The following KCNIP4 variants were observed in gnomAD, a reference collection of about 807,000 sequenced individuals.
KCNIP4 encodes Kv channel-interacting protein 4.
KCNIP4 carries 12 observed loss-of-function variants against 34.0 expected under a neutral mutation model. The observed-to-expected ratio is 0.35, with a 90% CI of 0.23 to 0.57. The LOEUF (loss-of-function observed/expected upper bound fraction) is 0.57, where lower values mean the gene tolerates loss of function less well. KCNIP4 is among the 20% of genes least tolerant of loss of function. The pLI, the probability that KCNIP4 is intolerant of heterozygous loss-of-function variation, is 0.83. For synonymous variants in KCNIP4, 124 were observed against 102.2 expected (o/e 1.21, Z -1.29); for missense variants, 238 against 311.7 (o/e 0.76, Z 1.78).
intron 1 of KCNIP4, among the ~76,000 whole-genome samples, chr4:21,925,103 CT>C (rs1438189872): frequency 2.6e-5 from 4 of 151,704 alleles, no homozygotes; most frequent in African/African-American, 9.7e-5. Flanking sequence ...TATTATTATA[CT>C]TTAAGTTTTA....
At chr4:21,929,423 T>C (rs1483963230) in intron 1 of KCNIP4, among the ~76,000 whole-genome samples, 2 of 152,136 alleles carry the variant, frequency 1.3e-5, no homozygotes, top group Non-Finnish European at 2.9e-5. Context: ...AGTATTTTTA[T>C]AAGTAGTTAA....
chr4:21,176,517 T>TTTTTTA (rs1273669428), intron 1 of KCNIP4, among the ~76,000 whole-genome samples: 2 of 152,220 alleles, frequency 1.3e-5, no homozygotes, highest in Non-Finnish European at 2.9e-5. Context: ...GCTCTATTTA[T>TTTTTTA]TTTTTATTTT....
intron 1 of KCNIP4, among the ~76,000 whole-genome samples, chr4:21,126,852 A>C (rs984724743): frequency 2.6e-5 from 4 of 152,126 alleles, no homozygotes; most frequent in African/African-American, 9.7e-5. Context: ...CTAATGAAAA[A>C]TTTGCTTATT....
At position 21,072,147 on chromosome 4, in the gene KCNIP4, G is replaced by T. The variant is rs200487731; in HGVS notation, c.62-189438C>A. 2.6e-5 allele frequency among the ~76,000 whole-genome samples: 4 copies of T among 152,088 alleles called. No individual in the cohort carries two copies. The East Asian group carries it at 5.8e-4, about 22-fold the overall frequency. On this transcript the variant is annotated intron_variant, in intron 1 of 8. Transcript: ENST00000382152. ...TAACAACATGATTTATAATCCTTTG[G>T]GTATATACCCAGTAATGGGATGGCT...
chr4:21,053,959 C>T (rs1227677412), intron 1 of KCNIP4, among the ~76,000 whole-genome samples: 2 of 151,788 alleles, frequency 1.3e-5, no homozygotes, highest in Non-Finnish European at 2.9e-5. Context: ...AGATTTAATA[C>T]AATCCTAATC....
At position 21,767,253 on chromosome 4, in the gene KCNIP4, G is replaced by C. The variant is rs1011899557; in HGVS notation, c.61+181318C>G. 2.4e-4 allele frequency among the ~76,000 whole-genome samples: 36 copies of C among 152,088 alleles called. 1 individual carries two copies. The highest frequency in any genetic ancestry group is 8.4e-4 in the African/African-American group (35 of 41,432). The stretch of plus-strand genomic sequence containing the variant: ...GGAGGAGACAGTCAGATCACACAGA[G>C]CTTGAAATGCCTTGTTGAGAGTGAG... On this transcript the variant is annotated intron_variant, in intron 1 of 8. Transcript: ENST00000382152.
intron 1 of KCNIP4, among the ~76,000 whole-genome samples, chr4:21,266,913 G>T (rs561612035): frequency 1.3e-5 from 2 of 152,284 alleles, no homozygotes; most frequent in African/African-American, 4.8e-5. Context: ...TTAAGACATT[G>T]CCTTAACGAT....
chr4:21,492,146 G>T (rs1305908376), intron 1 of KCNIP4, among the ~76,000 whole-genome samples: 1 of 152,120 alleles, frequency 6.6e-6, no homozygotes, highest in Admixed American at 6.5e-5. Context: ...GTAAATATCA[G>T]TAAATAAAGA....
At position 21,704,414 on chromosome 4, in the gene KCNIP4, T is replaced by C. The variant is rs544802489; in HGVS notation, c.61+244157A>G. 1.1e-3 allele frequency among the ~76,000 whole-genome samples: 173 copies of C among 152,120 alleles called. 1 individual carries two copies. The highest frequency in any genetic ancestry group is 4.0e-3 in the African/African-American group (167 of 41,512). ...CTCATCAGAGACCCTGTCAAGACAA[T>C]GAAAAGACAACATACAGAGTGAAAG... On this transcript the variant is annotated intron_variant, in intron 1 of 8. Transcript: ENST00000382152.
At chr4:20,825,754 A>G (rs1439185379) in intron 3 of KCNIP4, among the ~76,000 whole-genome samples, 1 of 152,168 alleles carries the variant, frequency 6.6e-6, no homozygotes, top group Non-Finnish European at 1.5e-5. Flanking sequence ...TTCTTAGGAG[A>G]ATGCAAATTG....
intron 1 of KCNIP4, among the ~76,000 whole-genome samples, chr4:21,704,695 AT>A (rs970225800): frequency 6.6e-6 from 1 of 152,160 alleles, no homozygotes; most frequent in African/African-American, 2.4e-5. Flanking sequence ...CTAACATAAA[AT>A]CAAAAATGGT....
chr4:21,091,165 C>T (rs1358601307), intron 1 of KCNIP4, among the ~76,000 whole-genome samples: 2 of 152,068 alleles, frequency 1.3e-5, no homozygotes, highest in Non-Finnish European at 1.5e-5. Context: ...TTTGCCCATC[C>T]CTGAATTCAT....
rs1747139170 is a variant in KCNIP4, at chr4:20,729,328, G to A, written c.*754C>T. ...CTTCCACTTAATGATTGATACTAAT[G>A]ATTGATACAATAGAAAACAGCCTGT... On this transcript the variant is annotated 3_prime_UTR_variant, in exon 9 of 9. Coordinates refer to ENST00000382152, the MANE Select transcript of KCNIP4 (RefSeq NM_025221.6). The A allele has an allele frequency of 1.3e-5, 2 of 151,628 alleles. No homozygotes were observed. Among genetic ancestry groups the A allele is most frequent in the East Asian group, 2.0e-4 (1 of 4,996 alleles). The allele number at this position is 151,628 out of a possible 1,614,324, so 9.4% of individuals were successfully genotyped here. A position where few individuals can be genotyped will look rare whatever the true frequency, so the allele number is the denominator to read the frequency against.
At chr4:21,694,555 T>C (rs1712050958) in intron 1 of KCNIP4, among the ~76,000 whole-genome samples, 1 of 152,144 alleles carries the variant, frequency 6.6e-6, no homozygotes, top group South Asian at 2.1e-4. Context: ...AATAGATGTA[T>C]CTTATTTTAG....
chr4:21,863,544 T>G (rs1725232650), intron 1 of KCNIP4, among the ~76,000 whole-genome samples: 1 of 152,158 alleles, frequency 6.6e-6, no homozygotes, highest in African/African-American at 2.4e-5. Context: ...TTGCTTCTCT[T>G]TTCTGAGGAA....
chr4:21,462,489 C>G (rs1464381648), intron 1 of KCNIP4, among the ~76,000 whole-genome samples: 1 of 152,062 alleles, frequency 6.6e-6, no homozygotes, highest in Non-Finnish European at 1.5e-5. Flanking sequence ...TTACCTCCCA[C>G]CTGGTCCCTC....
intron 1 of KCNIP4, among the ~76,000 whole-genome samples, chr4:21,555,098 T>C (rs961853826): frequency 3.3e-5 from 5 of 152,290 alleles, no homozygotes; most frequent in African/African-American, 1.2e-4. Context: ...ACACAGTTAT[T>C]AGCCTGTTCT....
intron 1 of KCNIP4, among the ~76,000 whole-genome samples, chr4:21,564,890 A>G (rs1560520316): frequency 6.6e-6 from 1 of 151,856 alleles, no homozygotes; most frequent in East Asian, 2.0e-4. Flanking sequence ...CAGAGGGAGA[A>G]CTCCCTCATT....
At chr4:21,165,445 G>T in intron 1 of KCNIP4, among the ~76,000 whole-genome samples, 1 of 2,110 alleles carries the variant, frequency 4.7e-4, no homozygotes, top group East Asian at 8.8e-3. Flanking sequence ...ATGTTTGAAA[G>T]CATCAAAAAA....
Sources: allele counts gnomAD v4.1 joint callset (sites outside exome capture counted in the v4.1 genomes callset), GRCh38; gene constraint gnomAD v4.1.1; transcripts MANE v1.5; gene names NCBI Gene and HGNC (gene_info 2026-07-23, HGNC 2026-07-21).